SLC39A11: variants seen among roughly 807,000 people sequenced by gnomAD.
SLC39A11 encodes the protein zinc transporter ZIP11.
Under a neutral mutation model 36.1 loss-of-function variants are expected in SLC39A11, and 33 were observed. The ratio of observed to expected loss-of-function variants is 0.91; its 90% CI spans 0.69 to 1.22. The LOEUF is 1.22. Among genes scored for constraint, SLC39A11 ranks in the 50% most tolerant of loss-of-function variants. The pLI, the probability that SLC39A11 is intolerant of heterozygous loss-of-function variation, is 0.00. For synonymous variants in SLC39A11, 166 were observed against 170.3 expected, an observed-to-expected ratio of 0.97 and a Z score of 0.20; for missense variants, 432 against 430.3, an observed-to-expected ratio of 1.00 and a Z score of -0.03.
intron 6 of SLC39A11, among the ~76,000 whole-genome samples, chr17:72,775,803 A>G (rs187813188): frequency 2.6e-4 from 40 of 152,282 alleles, no homozygotes; most frequent in Admixed American, 2.5e-3. Flanking sequence ...CCTACCACAG[A>G]GCTGGGCTGG....
intron 7 of SLC39A11, among the ~76,000 whole-genome samples, chr17:72,720,420 A>C (rs2073612831): frequency 6.6e-6 from 1 of 152,022 alleles, no homozygotes; most frequent in South Asian, 2.1e-4. Context: ...AGCCAGGCAC[A>C]CTCAGAGACC....
intron 3 of SLC39A11, among the ~76,000 whole-genome samples, chr17:73,039,102 T>C (rs1399716865): frequency 6.6e-6 from 1 of 152,042 alleles, no homozygotes; most frequent in Non-Finnish European, 1.5e-5. Flanking sequence ...TAACCTAAGC[T>C]CTCTTCTGCA....
chr17:72,903,540 C>T (rs1053439944), intron 5 of SLC39A11, among the ~76,000 whole-genome samples: 2 of 152,302 alleles, frequency 1.3e-5, no homozygotes, highest in Middle Eastern at 6.8e-3. Context: ...GGTTTATTTG[C>T]AGCACTGTGA....
chr17:73,037,625 G>A (rs900590547), intron 3 of SLC39A11, among the ~76,000 whole-genome samples: 13 of 152,198 alleles, frequency 8.5e-5, no homozygotes, highest in South Asian at 4.1e-4. Context: ...CAGGGCCATC[G>A]CTGAAGACAC....
intron 5 of SLC39A11, among the ~76,000 whole-genome samples, chr17:72,882,250 G>A (rs892967547): frequency 6.6e-6 from 1 of 151,922 alleles, no homozygotes; most frequent in African/African-American, 2.4e-5. Context: ...CAGCCACTCG[G>A]GACGCTGACG....
chr17:72,669,934 ACG>A, intron 7 of SLC39A11, among the ~76,000 whole-genome samples: 1 of 150,038 alleles, frequency 6.7e-6, no homozygotes, highest in African/African-American at 2.5e-5. Flanking sequence ...ACACATATAT[ACG>A]TATAGATGTA....
In SLC39A11 at chr17:72,867,441, G is replaced by A. The variant is rs1456874045; in HGVS notation, c.431-17637C>T. On this transcript the variant is annotated intron_variant, in intron 5 of 9. Transcript: ENST00000255559. ...CTTGAACCCAGGAGGCGGAGGTTGCGGTGAGCTGAGATCGCGCCACTGTAC... is the reference window on the plus strand; with the variant it reads ...CTTGAACCCAGGAGGCGGAGGTTGCAGTGAGCTGAGATCGCGCCACTGTAC... 5.3e-5 allele frequency among the ~76,000 whole-genome samples: 8 copies of A among 152,032 alleles called. No individual in the cohort carries two copies. In the South Asian group the frequency reaches 6.2e-4, roughly 12 times the overall value.
chr17:72,863,428 C>A (rs1042753195), intron 5 of SLC39A11, among the ~76,000 whole-genome samples: 1 of 152,116 alleles, frequency 6.6e-6, no homozygotes, highest in African/African-American at 2.4e-5. Context: ...GGACTCAGAC[C>A]CTAGACACTG....
chr17:72,674,181 G>A (rs543945828), intron 7 of SLC39A11, among the ~76,000 whole-genome samples: 1 of 151,996 alleles, frequency 6.6e-6, no homozygotes, highest in Non-Finnish European at 1.5e-5. Flanking sequence ...CCCTCTCTAG[G>A]TAATCTGTCT....
At chr17:72,675,691 T>TTGTG (rs71154905) in intron 7 of SLC39A11, among the ~76,000 whole-genome samples, 66,583 of 151,474 alleles carry the variant, frequency 0.44, 15,192 homozygotes, top group Admixed American at 0.51. Flanking sequence ...GATGTCCCAA[T>TTGTG]TGTGTGTGTA....
At chr17:72,893,155 C>G (rs933798807) in intron 5 of SLC39A11, among the ~76,000 whole-genome samples, 23 of 152,298 alleles carry the variant, frequency 1.5e-4, no homozygotes, top group African/African-American at 3.6e-4. Context: ...AAGCCCAATA[C>G]TATTGAATGA....
intron 6 of SLC39A11, among the ~76,000 whole-genome samples, chr17:72,836,534 T>A (rs555975052): frequency 1.6e-3 from 247 of 151,990 alleles, no homozygotes; most frequent in Non-Finnish European, 2.8e-3. Context: ...AGAGATGGGG[T>A]TTCCCCACGT....
intron 6 of SLC39A11, among the ~76,000 whole-genome samples, chr17:72,799,423 C>G (rs1182221821): frequency 6.6e-6 from 1 of 152,142 alleles, no homozygotes. Context: ...ACCATAAGGT[C>G]TGACTGCCTG....
chr17:72,931,126 G>T (rs1405840476), intron 5 of SLC39A11, among the ~76,000 whole-genome samples: 1 of 152,130 alleles, frequency 6.6e-6, no homozygotes, highest in African/African-American at 2.4e-5. Context: ...AAGAGGGGCA[G>T]ATCACCTGAA....
intron 6 of SLC39A11, among the ~76,000 whole-genome samples, chr17:72,834,406 G>C (rs972932321): frequency 6.6e-6 from 1 of 152,192 alleles, no homozygotes; most frequent in Non-Finnish European, 1.5e-5. Flanking sequence ...TGGATCACCT[G>C]AGGTCATGAG....
chr17:72,956,722 G>A (rs75833852), intron 4 of SLC39A11, among the ~76,000 whole-genome samples: 6,856 of 152,162 alleles, frequency 0.045, 180 homozygotes, highest in Non-Finnish European at 0.063. Context: ...AGAACCTCCA[G>A]CTGGTGTTTA....
rs1568105718 is a variant in SLC39A11, at chr17:73,004,211, GAAAGAAAGAAAGAAAGAAAGA to G, written c.306+27324_306+27344del. On this transcript the variant is annotated intron_variant, in intron 4 of 9. Coordinates refer to ENST00000255559, the MANE Select transcript of SLC39A11 (RefSeq NM_139177.4). ...AGAAAGAAAGAAAGAAAGAAAGAAA[GAAAGAAAGAAAGAAAGAAAGA>G]AAAGAAAGAAAGAGAAAAAGCAAGC... Among the ~76,000 whole-genome samples the G allele has an allele frequency of 9.4e-5, 12 of 127,060 alleles. 1 individual carries two copies. The highest frequency in any genetic ancestry group is 5.5e-4 in the South Asian group (2 of 3,656). 83.4% of individuals were successfully genotyped at this position (127,060 alleles called of 152,430 possible).
intron 6 of SLC39A11, among the ~76,000 whole-genome samples, chr17:72,762,756 T>C (rs1005530422): frequency 6.6e-6 from 1 of 152,146 alleles, no homozygotes; most frequent in Non-Finnish European, 1.5e-5. Context: ...CTCCTTAACC[T>C]TGTTTCCTCA....
chr17:72,778,348 C>T (rs1459750944), intron 6 of SLC39A11, among the ~76,000 whole-genome samples: 1 of 152,226 alleles, frequency 6.6e-6, no homozygotes. Flanking sequence ...GACCACACTG[C>T]CACGCAGGAC....
Sources: allele counts gnomAD v4.1 joint callset (sites outside exome capture counted in the v4.1 genomes callset), GRCh38; gene constraint gnomAD v4.1.1; transcripts MANE v1.5; gene names NCBI Gene and HGNC (gene_info 2026-07-23, HGNC 2026-07-21).